The following PCDH7 variants were observed in gnomAD, a reference collection of about 807,000 sequenced individuals.
PCDH7 encodes the protein protocadherin-7.
Under a neutral mutation model 58.9 loss-of-function variants are expected in PCDH7, and 17 were observed. The ratio of observed to expected loss-of-function variants is 0.29; its 90% CI spans 0.20 to 0.43. The LOEUF (loss-of-function observed/expected upper bound fraction) is 0.43. Ranked by LOEUF, PCDH7 falls within the 20% of genes least tolerant of loss-of-function variation. PCDH7 has a pLI of 1.00. For missense variants in PCDH7, 1,274 were observed against 1,441.0 expected (o/e 0.88, Z 1.88); for synonymous variants, 664 against 616.4 (o/e 1.08, Z -1.14).
intron 1 of PCDH7, among the ~76,000 whole-genome samples, chr4:30,770,744 A>G (rs1432717723): frequency 2.0e-5 from 3 of 152,172 alleles, no homozygotes; most frequent in Non-Finnish European, 4.4e-5. Context: ...AAAATTGAAC[A>G]AAAAAGTCAT....
downstream of PCDH7, among the ~76,000 whole-genome samples, chr4:30,734,185 G>A (rs866568764): frequency 2.0e-5 from 3 of 151,610 alleles, no homozygotes; most frequent in Middle Eastern, 6.9e-3. Flanking sequence ...TCTTTGATGT[G>A]CGTGACTTTT....
chr4:31,053,562 C>T (rs1265915361), intron 3 of PCDH7, among the ~76,000 whole-genome samples: 6 of 152,044 alleles, frequency 3.9e-5, no homozygotes, highest in South Asian at 2.1e-4. Flanking sequence ...CAGTGAGATC[C>T]TGTCCCTACA....
At chr4:30,878,068 G>A (rs1216222699) in intron 1 of PCDH7, among the ~76,000 whole-genome samples, 2 of 152,142 alleles carry the variant, frequency 1.3e-5, no homozygotes, top group Non-Finnish European at 2.9e-5. Flanking sequence ...TAATTAAGAT[G>A]TGGATTCAGT....
intron 1 of PCDH7, among the ~76,000 whole-genome samples, chr4:30,798,519 A>G (rs1247131138): frequency 2.0e-5 from 3 of 152,236 alleles, no homozygotes; most frequent in African/African-American, 7.2e-5. Context: ...ATAATTAACA[A>G]CAAAAGAGAA....
At chr4:30,728,685 T>C (rs1715003508) in intron 1 of PCDH7, among the ~76,000 whole-genome samples, 1 of 151,854 alleles carries the variant, frequency 6.6e-6, no homozygotes, top group Admixed American at 6.6e-5. Flanking sequence ...ATCCAAAACT[T>C]ATCCTAAACC....
intron 1 of PCDH7, among the ~76,000 whole-genome samples, chr4:30,886,810 C>A (rs1737861955): frequency 6.6e-6 from 1 of 150,624 alleles, no homozygotes; most frequent in Admixed American, 6.6e-5. Flanking sequence ...ATGATGAGTT[C>A]ATGTCCTTTG....
At chr4:31,080,211 G>A (rs1231861645) in intron 3 of PCDH7, among the ~76,000 whole-genome samples, 2 of 151,952 alleles carry the variant, frequency 1.3e-5, no homozygotes, top group Admixed American at 6.6e-5. Context: ...TGTTTGAGTT[G>A]TAAAATGTCA....
intron 3 of PCDH7, among the ~76,000 whole-genome samples, chr4:31,090,498 C>T (rs1004594005): frequency 3.9e-5 from 6 of 152,020 alleles, no homozygotes; most frequent in African/African-American, 1.4e-4. Flanking sequence ...CTAGCAAATA[C>T]TAGGCCTTAC....
At chr4:30,899,118 A>C (rs1202054551) in intron 1 of PCDH7, among the ~76,000 whole-genome samples, 1 of 152,096 alleles carries the variant, frequency 6.6e-6, no homozygotes, top group Non-Finnish European at 1.5e-5. Flanking sequence ...GGAATGCAAA[A>C]TTGATTTGTT....
chr4:30,843,942 A>T (rs1731568030), intron 1 of PCDH7, among the ~76,000 whole-genome samples: 1 of 152,028 alleles, frequency 6.6e-6, no homozygotes, highest in South Asian at 2.1e-4. Context: ...AATAAAAAAT[A>T]AAAGAAAAAA....
At chr4:31,007,680 A>C (rs771903640) in intron 3 of PCDH7, among the ~76,000 whole-genome samples, 3 of 151,934 alleles carry the variant, frequency 2.0e-5, no homozygotes, top group Non-Finnish European at 4.4e-5. Flanking sequence ...ATATATGCTA[A>C]TGGAAATTAC....
intron 1 of PCDH7, among the ~76,000 whole-genome samples, chr4:30,890,984 G>A (rs1195296512): frequency 1.3e-5 from 2 of 151,962 alleles, no homozygotes; most frequent in Non-Finnish European, 1.5e-5. Flanking sequence ...TTAGGAATAG[G>A]CTCAAACTAG....
chr4:30,910,914 C>T (rs1053554462), intron 1 of PCDH7, among the ~76,000 whole-genome samples: 5 of 152,128 alleles, frequency 3.3e-5, no homozygotes, highest in Admixed American at 1.3e-4. Flanking sequence ...AACCCAAATG[C>T]CCATCAATAT....
chr4:30,808,608 TG>T (rs1238367947), intron 1 of PCDH7, among the ~76,000 whole-genome samples: 1 of 152,150 alleles, frequency 6.6e-6, no homozygotes, highest in Non-Finnish European at 1.5e-5. Context: ...TACTTTTTTT[TG>T]TGGGGAAAAA....
intron 3 of PCDH7, 24 bp from the exon 3 acceptor site, chr4:31,142,449 T>C (rs979254041): frequency 7.4e-6 from 10 of 1,355,696 alleles, no homozygotes; most frequent in Non-Finnish European, 9.8e-6. Context: ...CAAATACTAA[T>C]GGCTTATTCT....
intron 1 of PCDH7, among the ~76,000 whole-genome samples, chr4:30,844,083 T>C (rs896575293): frequency 6.6e-6 from 1 of 152,158 alleles, no homozygotes; most frequent in African/African-American, 2.4e-5. Context: ...AAGTTGAGAA[T>C]GTCAGATTAT....
At chr4:31,078,186 G>A (rs1246925280) in intron 3 of PCDH7, among the ~76,000 whole-genome samples, 1 of 151,996 alleles carries the variant, frequency 6.6e-6, no homozygotes, top group African/African-American at 2.4e-5. Context: ...GCATTGGGAG[G>A]GACGCAGCAA....
At chr4:31,006,750 G>C (rs1245652706) in intron 3 of PCDH7, among the ~76,000 whole-genome samples, 1 of 151,956 alleles carries the variant, frequency 6.6e-6, no homozygotes, top group Non-Finnish European at 1.5e-5. Context: ...AAATTAGCCA[G>C]GTGTAGTGGT....
At chr4:30,791,344 A>G (rs949641375) in intron 1 of PCDH7, among the ~76,000 whole-genome samples, 2 of 152,300 alleles carry the variant, frequency 1.3e-5, no homozygotes, top group Middle Eastern at 3.4e-3. Context: ...CCATTTCTTC[A>G]TATTTTATAT....
Sources: allele counts gnomAD v4.1 joint callset (sites outside exome capture counted in the v4.1 genomes callset), GRCh38; gene constraint gnomAD v4.1.1; transcripts MANE v1.5; gene names NCBI Gene and HGNC (gene_info 2026-07-23, HGNC 2026-07-21).